Variants in OGFOD1 observed in about 807,000 individuals in gnomAD.
The protein encoded by OGFOD1 is prolyl 3-hydroxylase OGFOD1.
OGFOD1 carries 54 observed loss-of-function variants against 67.7 expected under a neutral mutation model. The ratio of observed to expected loss-of-function variants is 0.80; its 90% confidence interval spans 0.64 to 1.00. The LOEUF (loss-of-function observed/expected upper bound fraction) is 1.00. OGFOD1 is among the 50% of genes least tolerant of loss of function. The pLI is 0.00. For missense variants in OGFOD1, 606 were observed against 646.7 expected, an observed-to-expected ratio of 0.94 and a Z score of 0.68; for synonymous variants, 221 against 227.0, an observed-to-expected ratio of 0.97 and a Z score of 0.24.
rs777072563 is a variant in OGFOD1, at chr16:56,466,318, T to A, written c.565+50T>A. 9 of 1,179,768 alleles carry A rather than the reference T, an allele frequency of 7.6e-6. No homozygotes were observed. The Admixed American group carries it at 1.4e-4, about 18-fold the overall frequency. The allele number at this position is 1,179,768 out of a possible 1,614,324, so 73.1% of individuals were successfully genotyped here. On this transcript the variant is annotated intron_variant, in intron 5 of 12. Coordinates refer to ENST00000566157, the MANE Select transcript of OGFOD1 (RefSeq NM_018233.4). ...CTTCACCACCAGTGGCACTTCTGAG[T>A]TAAAGCTGAGTTGATTCAGTATCAT...
rs765432165 is a variant in OGFOD1, at chr16:56,462,561, C to T, written c.375C>T (p.Ser125=). The T allele has an allele frequency of 1.2e-6, 2 of 1,612,652 alleles. No homozygotes were observed. Among genetic ancestry groups the T allele is most frequent in the East Asian group, 4.5e-5 (2 of 44,842 alleles). The change falls in exon 4 of 13, where the codon TCC becomes TCT. Residue 125 remains serine (S), a synonymous_variant. Coordinates refer to ENST00000566157, the MANE Select transcript of OGFOD1 (RefSeq NM_018233.4). Reference sequence around the variant, plus strand: ...AAATTCTGTTTGAAGATTTCCGGTCCTGGCTTTCTGATATTTCTAAAATTG... The same window carrying T: ...AAATTCTGTTTGAAGATTTCCGGTCTTGGCTTTCTGATATTTCTAAAATTG... ...LRKILFEDFR[S]WLSDISKIDL...
rs1378287388 is a variant in OGFOD1, at chr16:56,476,066, G to T, written c.1490G>T (p.Ser497Ile). Reference sequence around the variant, plus strand: ...CAGCTGCTAACAGTGAATCCAGAAAGCAATTCTTTGGCATTGGTCTACAGA... The same window carrying T: ...CAGCTGCTAACAGTGAATCCAGAAATCAATTCTTTGGCATTGGTCTACAGA... ...DEELLTVNPE[S>I]NSLALVYRDR... Residue 497 changes from serine to isoleucine, a missense_variant, in exon 13 of 13, where the codon AGC becomes ATC. Coordinates refer to ENST00000566157, the MANE Select transcript of OGFOD1 (RefSeq NM_018233.4). 1.2e-6 allele frequency: 2 copies of T among 1,612,928 alleles called. No individual in the cohort carries two copies. The highest frequency in any genetic ancestry group is 2.2e-5 in the South Asian group (2 of 90,810).
chr16:56,467,065 G>A (rs1433306426), intron 6 of OGFOD1, 98 bp downstream of exon 6: 4 of 1,560,926 alleles, frequency 2.6e-6, no homozygotes, highest in Non-Finnish European at 3.5e-6. Flanking sequence ...GTTATCTGAT[G>A]TTGTTTTAAT....
At chr16:56,461,129 C>A (rs1260661969) in intron 3 of OGFOD1, among the ~76,000 whole-genome samples, 1 of 152,188 alleles carries the variant, frequency 6.6e-6, no homozygotes, top group Non-Finnish European at 1.5e-5. Flanking sequence ...AATGGCGGTA[C>A]CAGTATTGGT....
At chr16:56,452,549 G>A (rs1962377014) in intron 1 of OGFOD1, among the ~76,000 whole-genome samples, 2 of 152,220 alleles carry the variant, frequency 1.3e-5, no homozygotes, top group South Asian at 2.1e-4. Flanking sequence ...GCTTTGAAGA[G>A]GTGAGTCCTG....
Position 56,451,703 on chromosome 16 carries a change from A to G in OGFOD1, c.91A>G (p.Thr31Ala). Residue 31 changes from threonine to alanine, a missense_variant, in exon 1 of 13, where the codon ACG becomes GCG. Thr to Ala is a moderately conservative substitution (Grantham distance 58). Transcript: ENST00000566157. ...GATGGCGGAGTTTTCGGACGCTGTT[A>G]CGGAAGAAACCTTGAAAAAGCAGGT... ...EVMAEFSDAVTEETLKKQVAE... is the reference protein window; with the variant it reads ...EVMAEFSDAVAEETLKKQVAE... The G allele has an allele frequency of 4.3e-6, 7 of 1,614,126 alleles. No individual in the cohort carries two copies. The highest frequency in any genetic ancestry group is 5.9e-6 in the Non-Finnish European group (7 of 1,180,026).
intron 10 of OGFOD1, among the ~76,000 whole-genome samples, chr16:56,473,753 T>C (rs1304480233): frequency 6.6e-6 from 1 of 152,198 alleles, no homozygotes; most frequent in Non-Finnish European, 1.5e-5. Flanking sequence ...ATTTTTCCTT[T>C]GGGCTTTTTG....
At chr16:56,470,162 G>A in intron 9 of OGFOD1, 80 bp downstream of exon 9, 2 of 1,289,016 alleles carry the variant, frequency 1.6e-6, no homozygotes, top group South Asian at 2.5e-5. Context: ...ATGACAAAAA[G>A]CCTAAAGGAA....
rs763170910 is a variant in OGFOD1, at chr16:56,476,200, G to C, written c.1624G>C (p.Glu542Gln). 5.0e-6 allele frequency: 8 copies of C among 1,610,928 alleles called. No homozygotes were observed. Among genetic ancestry groups the C allele is most frequent in the South Asian group, 2.2e-5 (2 of 90,766 alleles). ...GFWDFSFIYY[E>Q] is the part of the protein sequence containing the mutation. The stretch of plus-strand genomic sequence containing the variant: ...CTGGGACTTTTCATTCATCTATTAT[G>C]AATGACAGCACTGGGCAAAGCTGAA... Residue 542 changes from glutamate to glutamine, a missense_variant, in exon 13 of 13, where the codon GAA becomes CAA. Transcript: ENST00000566157.
At chr16:56,463,400 T>G (rs1426781539) in intron 4 of OGFOD1, among the ~76,000 whole-genome samples, 1 of 135,358 alleles carries the variant, frequency 7.4e-6, no homozygotes, top group African/African-American at 2.8e-5. Context: ...TTTTTTTTTT[T>G]TTTTTTTTTT....
chr16:56,457,116 T>C (rs1303231324), intron 2 of OGFOD1, among the ~76,000 whole-genome samples: 2 of 152,218 alleles, frequency 1.3e-5, no homozygotes, highest in African/African-American at 4.8e-5. Flanking sequence ...TAAAAATATG[T>C]TCACATAAAA....
At chr16:56,475,923 G>A in intron 12 of OGFOD1, 121 bp from the exon 13 acceptor site, 1 of 871,074 alleles carries the variant, frequency 1.1e-6, no homozygotes, top group South Asian at 1.8e-5. Flanking sequence ...TGTTCATTCA[G>A]AGGACCCCTC....
intron 10 of OGFOD1, among the ~76,000 whole-genome samples, chr16:56,473,121 G>A (rs1472073234): frequency 6.6e-6 from 1 of 152,026 alleles, no homozygotes; most frequent in Non-Finnish European, 1.5e-5. Flanking sequence ...TAGTAGAGAC[G>A]GGGTTTCACC....
chr16:56,462,715 A>G (rs1962753950), intron 4 of OGFOD1, 81 bp downstream of exon 4: 12 of 827,486 alleles, frequency 1.5e-5, no homozygotes, highest in Middle Eastern at 4.5e-4. Flanking sequence ...TCTGTGTACC[A>G]AAACACTCAA....
Position 56,469,915 on chromosome 16 carries a change from G to A in OGFOD1, c.901-88G>A, listed in dbSNP as rs1030215329. ...GCACCTTTTAGGAATCAGCCAGATT[G>A]ATGTTTGGCAGAGCTGCTGTACCTG... On this transcript the variant is annotated intron_variant, in intron 8 of 12. Transcript: ENST00000566157. The A allele has an allele frequency of 4.9e-5, 36 of 727,418 alleles. 1 individual carries two copies. The South Asian group carries it at 5.4e-4, about 11-fold the overall frequency. The allele number at this position is 727,418 out of a possible 1,614,324, so 45.1% of individuals were successfully genotyped here.
intron 4 of OGFOD1, among the ~76,000 whole-genome samples, chr16:56,465,230 C>T (rs998916608): frequency 7.2e-5 from 11 of 152,074 alleles, no homozygotes; most frequent in Non-Finnish European, 1.3e-4. Context: ...CAACCCCTAA[C>T]CACAGATGAT....
rs1172540875 is a variant in OGFOD1, at chr16:56,467,955, C to A, written c.837C>A (p.Tyr279Ter). The change falls in exon 8 of 13, where the codon TAC (tyrosine) becomes TAA (stop). Residue 279 changes from tyrosine (Y) to a stop codon, truncating the protein, a stop_gained. Transcript: ENST00000566157. LOFTEE classifies it high-confidence loss of function. ...ACCCTACTTATCTGGACATGGATTA[C>A]CAAGTTCAAATTCAAGAAGAGTTTG... is the stretch of plus-strand genomic sequence containing the variant. ...WINPTYLDMD[Y>*]QVQIQEEFEE... 3 of 1,609,944 alleles carry A rather than the reference C, an allele frequency of 1.9e-6. No individual in the cohort carries two copies. Among genetic ancestry groups the A allele is most frequent in the Admixed American group, 3.3e-5 (2 of 59,980 alleles).
intron 4 of OGFOD1, among the ~76,000 whole-genome samples, chr16:56,465,127 G>A (rs1413848965): frequency 1.3e-5 from 2 of 151,782 alleles, no homozygotes; most frequent in African/African-American, 4.8e-5. Flanking sequence ...AGCCTCCTGA[G>A]TAGCTGGGAT....
At chr16:56,462,150 T>A (rs748432812) in intron 3 of OGFOD1, among the ~76,000 whole-genome samples, 5 of 151,648 alleles carry the variant, frequency 3.3e-5, no homozygotes, top group Non-Finnish European at 7.4e-5. Flanking sequence ...ATTTTAGTGC[T>A]GAAAAACTTG....
Sources: gnomAD v4.1 joint callset for allele counts (sites outside exome capture counted in the v4.1 genomes callset) on GRCh38, gnomAD v4.1.1 for gene constraint, MANE v1.5 for transcripts, NCBI Gene and HGNC (gene_info 2026-07-23, HGNC 2026-07-21) for gene names.